Variants in MAGOHB observed in about 807,000 individuals in gnomAD.
MAGOHB encodes the protein protein mago nashi homolog 2.
MAGOHB carries 15 observed loss-of-function variants against 20.9 expected under a neutral mutation model. That is an observed-to-expected ratio of 0.72 (90% CI 0.48 to 1.11). MAGOHB has a LOEUF of 1.11. MAGOHB is among the 50% of genes least tolerant of loss of function. The pLI is 0.00. For missense variants in MAGOHB, 162 were observed against 177.6 expected (o/e 0.91, Z 0.50); for synonymous variants, 50 against 57.9 (o/e 0.86, Z 0.62).
At chr12:10,613,369 C>T (rs570546624) in intron 1 of MAGOHB, 70 bp downstream of exon 1, 3 of 1,369,596 alleles carry the variant, frequency 2.2e-6, no homozygotes, top group South Asian at 2.3e-5. Context: ...CCGCCTGTAC[C>T]CTCCACACCA....
chr12:10,610,895 T>G (rs1007475243), intron 1 of MAGOHB, among the ~76,000 whole-genome samples: 2 of 152,220 alleles, frequency 1.3e-5, no homozygotes, highest in African/African-American at 4.8e-5. Context: ...AAACAGCCCA[T>G]GCCTACAATA....
chr12:10,603,353 T>A (rs1275009311), downstream of MAGOHB, among the ~76,000 whole-genome samples: 1 of 152,020 alleles, frequency 6.6e-6, no homozygotes, highest in African/African-American at 2.4e-5. Flanking sequence ...GCTTGAGATT[T>A]TCTGTTTCCC....
chr12:10,608,766 CTATT>C (rs1315844967), intron 3 of MAGOHB: 1 of 152,044 alleles, frequency 6.6e-6, no homozygotes, highest in Non-Finnish European at 1.5e-5. Flanking sequence ...ACAATCCTAG[CTATT>C]TATTTAATCA....
At chr12:10,612,321 T>C (rs967384100) in intron 1 of MAGOHB, among the ~76,000 whole-genome samples, 4 of 151,970 alleles carry the variant, frequency 2.6e-5, no homozygotes, top group African/African-American at 9.7e-5. Flanking sequence ...TCACTTGCAC[T>C]AGGGAGGGGG....
downstream of MAGOHB, among the ~76,000 whole-genome samples, chr12:10,602,173 T>C (rs3759266): frequency 1.5e-4 from 23 of 152,376 alleles, no homozygotes; most frequent in East Asian, 2.5e-3. Context: ...CAATTTTTTA[T>C]ACTTTTTACA....
rs993976893 is a variant in MAGOHB at position 10,606,024 on chromosome 12, A to T, written c.*251T>A. The T allele has an allele frequency of 1.2e-5, 3 of 243,928 alleles. No homozygotes were observed. Among genetic ancestry groups the T allele is most frequent in the African/African-American group, 6.7e-5 (3 of 44,738 alleles). 15.1% of individuals were successfully genotyped at this position (243,928 alleles called of 1,614,324 possible). On this transcript the variant is annotated 3_prime_UTR_variant, in exon 5 of 5. Transcript: ENST00000320756. ...AACTACTCTGCAACCAGGATTTGGT[A>T]TGTTTTATTAGAGCAAATTTTTAAC...
chr12:10,601,176 CA>C (rs934498358), downstream of MAGOHB, among the ~76,000 whole-genome samples: 23 of 152,136 alleles, frequency 1.5e-4, no homozygotes, highest in Admixed American at 2.6e-4. Context: ...GTGACAGGGT[CA>C]GGGGCTGGGG....
Position 10,606,311 on chromosome 12 carries a change from A to C in MAGOHB, c.411T>G (p.Ser137Arg). The change falls in exon 5 of 5, where the codon AGT becomes AGG. Residue 137 changes from serine (S) to arginine (R), a missense_variant. Coordinates refer to ENST00000320756, the MANE Select transcript of MAGOHB (RefSeq NM_018048.5). ...LVQDLKCLVF[S>R]LIGLHFKIKP... is the part of the protein sequence containing the mutation. Reference sequence around the variant, plus strand: ...TAATCTTGAAGTGTAATCCAATAAGACTGAAAACTAAACATTTCAAGTCTT... The same window carrying C: ...TAATCTTGAAGTGTAATCCAATAAGCCTGAAAACTAAACATTTCAAGTCTT... The C allele has an allele frequency of 1.9e-6, 3 of 1,573,554 alleles. No individual in the cohort carries two copies. Among genetic ancestry groups the C allele is most frequent in the Non-Finnish European group, 2.6e-6 (3 of 1,155,108 alleles).
Position 10,613,539 on chromosome 12 carries a change from A to G in MAGOHB, c.-7T>C. On this transcript the variant is annotated 5_prime_UTR_variant, in exon 1 of 5. Transcript: ENST00000320756. ...AATCGCTAGCCACAGCCATTTTTGT[A>G]CCCGGGAAGCCCGCCGAAAACGCAG... The G allele has an allele frequency of 6.2e-7, 1 of 1,607,622 alleles. No individual in the cohort carries two copies. The highest frequency in any genetic ancestry group is 8.5e-7 in the Non-Finnish European group (1 of 1,174,280).
intron 1 of MAGOHB, among the ~76,000 whole-genome samples, chr12:10,611,747 CAAAAAAAAA>C (rs1042294332): frequency 1.1e-4 from 3 of 27,686 alleles, no homozygotes; most frequent in South Asian, 2.1e-3. Flanking sequence ...GACTCTGTCT[CAAAAAAAAA>C]AAAAAAAAAA....
chr12:10,612,071 C>T (rs1865753473), intron 1 of MAGOHB, among the ~76,000 whole-genome samples: 1 of 152,088 alleles, frequency 6.6e-6, no homozygotes, highest in Non-Finnish European at 1.5e-5. Flanking sequence ...AATTGCAGGG[C>T]TGGCCCGGTG....
At chr12:10,608,599 T>TAAAAAAAAAAAAAAA (rs200643667) in intron 3 of MAGOHB, 2 of 119,162 alleles carry the variant, frequency 1.7e-5, no homozygotes, top group African/African-American at 3.1e-5. Context: ...TAAGAACTAG[T>TAAAAAAAAAAAAAAA]AAAAAAAAAA....
At chr12:10,600,612 T>G (rs1386886373), downstream of MAGOHB, among the ~76,000 whole-genome samples, 1 of 152,184 alleles carries the variant, frequency 6.6e-6, no homozygotes, top group Admixed American at 6.5e-5. Context: ...AAATCTCACT[T>G]CATAAAATCT....
chr12:10,609,467 C>A, intron 3 of MAGOHB: 2 of 390,124 alleles, frequency 5.1e-6, no homozygotes, highest in Non-Finnish European at 5.0e-6. Context: ...TATAGGGATG[C>A]AAGTAAGAAT....
At position 10,612,879 on chromosome 12, in the gene MAGOHB, T is replaced by C. The variant is rs758341897; in HGVS notation, c.94+560A>G. ...TCTCTCAAAGGCCAAGTCTCTCATT[T>C]CGAGACTCATCTCAAGAGTGCCGTC... On this transcript the variant is annotated intron_variant, in intron 1 of 4. Coordinates refer to ENST00000320756, the MANE Select transcript of MAGOHB (RefSeq NM_018048.5). 108 of 1,289,142 alleles carry C rather than the reference T, an allele frequency of 8.4e-5. 1 individual carries two copies. In the South Asian group the frequency reaches 1.3e-3, roughly 15 times the overall value. The allele number at this position is 1,289,142 out of a possible 1,614,324, so 79.9% of individuals were successfully genotyped here.
chr12:10,613,056 C>A (rs1182755359), intron 1 of MAGOHB: 3 of 759,086 alleles, frequency 4.0e-6, no homozygotes, highest in Non-Finnish European at 5.7e-6. Context: ...TCCTCCCCTT[C>A]AAAGAAAACA....
intron 3 of MAGOHB, chr12:10,609,437 A>C: frequency 4.7e-6 from 2 of 428,502 alleles, no homozygotes; most frequent in Admixed American, 5.6e-5. Context: ...AGAAACCACC[A>C]ATCAAGTTTC....
rs1170636556 is a variant in MAGOHB at position 10,608,136 on chromosome 12, C to G, written c.265-200G>C. 9.8e-6 allele frequency: 4 copies of G among 406,596 alleles called. No homozygotes were observed. The South Asian group carries it at 1.4e-4, about 14-fold the overall frequency. 25.2% of individuals were successfully genotyped at this position (406,596 alleles called of 1,614,324 possible). ...ATAAAGACTGCTCACGCGCACTACC[C>G]CCAAGTTTAGGACCAACAAAGAATT... On this transcript the variant is annotated intron_variant, in intron 3 of 4. Transcript: ENST00000320756.
chr12:10,599,536 T>C (rs1024882603), downstream of MAGOHB: 2 of 152,240 alleles, frequency 1.3e-5, no homozygotes, highest in Non-Finnish European at 2.9e-5. Flanking sequence ...ATCTGTGCTA[T>C]GCAGTGGTGC....
Sources: allele counts gnomAD v4.1 joint callset (sites outside exome capture counted in the v4.1 genomes callset), GRCh38; gene constraint gnomAD v4.1.1; transcripts MANE v1.5; gene names NCBI Gene and HGNC (gene_info 2026-07-23, HGNC 2026-07-21).